The following FBXO15 variants were observed in gnomAD, a reference collection of about 807,000 sequenced individuals.
The protein encoded by FBXO15 is F-box only protein 15.
Under a neutral mutation model 49.5 loss-of-function variants are expected in FBXO15, and 30 were observed. The ratio of observed to expected loss-of-function variants is 0.61; its 90% CI spans 0.45 to 0.82. FBXO15 has a LOEUF of 0.82. Ranked by LOEUF, FBXO15 falls within the 40% of genes least tolerant of loss-of-function variation. The probability of loss-of-function intolerance (pLI) is 0.00; values close to 1 mark genes in which losing one functional copy is unlikely to be tolerated. For missense variants in FBXO15, 591 were observed against 631.5 expected, an observed-to-expected ratio of 0.94 and a Z score of 0.69; for synonymous variants, 250 against 232.7, an observed-to-expected ratio of 1.07 and a Z score of -0.68.
chr18:74,093,999 C>T (rs972196325), intron 8 of FBXO15, among the ~76,000 whole-genome samples: 2 of 152,150 alleles, frequency 1.3e-5, no homozygotes, highest in Non-Finnish European at 2.9e-5. Context: ...TTAAATAAGA[C>T]TTAATGGATG....
chr18:74,137,671 T>C (rs1163194277), intron 2 of FBXO15, among the ~76,000 whole-genome samples: 1 of 152,226 alleles, frequency 6.6e-6, no homozygotes, highest in Non-Finnish European at 1.5e-5. Flanking sequence ...TACACCCATA[T>C]TGGATTACTT....
chr18:74,074,501 C>T lies in FBXO15; in HGVS notation c.1264-771G>A, dbSNP rs1022945587. Reference sequence around the variant, plus strand: ...GTCACATGGCCGACACAGCACTTCCCGGAAGTGGTCCACTTTCACTATCCA... The same window carrying T: ...GTCACATGGCCGACACAGCACTTCCTGGAAGTGGTCCACTTTCACTATCCA... On this transcript the variant is annotated intron_variant, in intron 9 of 9. Transcript: ENST00000419743. This position sits in a 1 kb window ranked among gnomAD's most constrained non-coding sequence, Gnocchi z 4.7. Among the ~76,000 whole-genome samples, 5 of 152,188 alleles carry T rather than the reference C, an allele frequency of 3.3e-5. No homozygotes were observed. Among genetic ancestry groups the T allele is most frequent in the African/African-American group, 9.7e-5 (4 of 41,450 alleles).
chr18:74,129,605 A>C lies in FBXO15; in HGVS notation c.585T>G (p.Gly195=). The C allele has an allele frequency of 6.2e-7, 1 of 1,609,142 alleles. No individual in the cohort carries two copies. ...CTTTCAGTATAATTGCCCAACCTAA[A>C]CCAAATATTCTGGAGAAAGAAAAAA... The part of the protein sequence containing the change: ...VKTKEALRIF[G]LGWAIILKEK... The change falls in exon 5 of 10, where the codon GGT becomes GGG. Residue 195 remains glycine (G), a synonymous_variant. Coordinates refer to ENST00000419743, the MANE Select transcript of FBXO15 (RefSeq NM_001142958.2).
intron 2 of FBXO15, among the ~76,000 whole-genome samples, chr18:74,137,327 T>A (rs1978783864): frequency 6.6e-6 from 1 of 152,222 alleles, no homozygotes; most frequent in Non-Finnish European, 1.5e-5. Flanking sequence ...TTGCATATAA[T>A]TTTTATATTT....
chr18:74,147,506 G>T (rs1979511957), intron 1 of FBXO15, 164 bp downstream of exon 1: 3 of 1,246,494 alleles, frequency 2.4e-6, no homozygotes, highest in Non-Finnish European at 2.0e-6. Context: ...CACGTTGCAG[G>T]GTAGAAAGGA....
chr18:74,112,267 A>G (rs1002220112), intron 8 of FBXO15, among the ~76,000 whole-genome samples: 5 of 152,246 alleles, frequency 3.3e-5, no homozygotes, highest in African/African-American at 9.6e-5. Flanking sequence ...TCTCATGAAT[A>G]AAGATGCAAC....
At chr18:74,094,378 T>C (rs572907107) in intron 8 of FBXO15, among the ~76,000 whole-genome samples, 1 of 152,276 alleles carries the variant, frequency 6.6e-6, no homozygotes, top group African/African-American at 2.4e-5. Context: ...GCTTTTGCCA[T>C]ATGATGTGCC....
intron 6 of FBXO15, 118 bp from the exon 7 acceptor site, chr18:74,124,689 T>G: frequency 1.2e-6 from 1 of 808,582 alleles, no homozygotes; most frequent in East Asian, 2.5e-5. Flanking sequence ...CTTACAAACA[T>G]AAGATCACCA....
At chr18:74,134,960 T>C (rs1440314029) in intron 3 of FBXO15, among the ~76,000 whole-genome samples, 1 of 152,150 alleles carries the variant, frequency 6.6e-6, no homozygotes, top group African/African-American at 2.4e-5. Flanking sequence ...GCAGGTTCTA[T>C]GTAGGAATGA....
chr18:74,131,177 T>TA (rs891349587), intron 3 of FBXO15, among the ~76,000 whole-genome samples: 1 of 152,246 alleles, frequency 6.6e-6, no homozygotes, highest in Admixed American at 6.5e-5. Context: ...TGAAGGTTTT[T>TA]AATGGTAACA....
intron 2 of FBXO15, 78 bp downstream of exon 2, chr18:74,140,124 A>G: frequency 8.3e-7 from 1 of 1,207,858 alleles, no homozygotes; most frequent in Non-Finnish European, 1.2e-6. Flanking sequence ...GCAACTTGGT[A>G]TATACAGCAT....
intron 3 of FBXO15, among the ~76,000 whole-genome samples, chr18:74,134,628 A>G (rs1978603462): frequency 1.3e-5 from 2 of 152,134 alleles, no homozygotes; most frequent in African/African-American, 2.4e-5. Context: ...TCGGCCTCCC[A>G]AAGTGCTGGG....
chr18:74,107,205 A>AACAAC (rs59019968), intron 8 of FBXO15, among the ~76,000 whole-genome samples: 7,246 of 151,142 alleles, frequency 0.048, 255 homozygotes, highest in East Asian at 0.11. Context: ...AAAAAAAAAA[A>AACAAC]AACAACAAAT....
intron 8 of FBXO15, among the ~76,000 whole-genome samples, chr18:74,119,296 G>A (rs1002906425): frequency 2.0e-5 from 3 of 152,210 alleles, no homozygotes; most frequent in African/African-American, 7.2e-5. Flanking sequence ...AACAGGCCCA[G>A]AAGAGTCTAT....
At chr18:74,109,316 A>C (rs1192307538) in intron 8 of FBXO15, among the ~76,000 whole-genome samples, 1 of 152,210 alleles carries the variant, frequency 6.6e-6, no homozygotes, top group Non-Finnish European at 1.5e-5. Context: ...GATCATTAAA[A>C]AGCCAGGAAA....
chr18:74,117,609 T>C (rs1271891895), intron 8 of FBXO15, among the ~76,000 whole-genome samples: 1 of 152,130 alleles, frequency 6.6e-6, no homozygotes, highest in African/African-American at 2.4e-5. Flanking sequence ...CTACTAGCTT[T>C]ACAGAACACA....
intron 8 of FBXO15, among the ~76,000 whole-genome samples, chr18:74,108,721 CA>C (rs1408418357): frequency 6.6e-6 from 1 of 152,060 alleles, no homozygotes; most frequent in African/African-American, 2.4e-5. Flanking sequence ...GAACACCAAA[CA>C]GGATAAATGC....
intron 8 of FBXO15, chr18:74,099,262 C>T (rs1340970523): frequency 2.6e-5 from 4 of 152,112 alleles, no homozygotes; most frequent in Non-Finnish European, 5.9e-5. Context: ...GGGATTGGGG[C>T]CCTATGTTAA....
At chr18:74,095,181 T>C (rs540215364) in intron 8 of FBXO15, among the ~76,000 whole-genome samples, 3 of 152,366 alleles carry the variant, frequency 2.0e-5, no homozygotes, top group Admixed American at 2.0e-4. Flanking sequence ...TAAAGCTTTC[T>C]TCATATCAGC....
Sources: allele counts gnomAD v4.1 joint callset (sites outside exome capture counted in the v4.1 genomes callset), GRCh38; gene constraint gnomAD v4.1.1; non-coding constraint Gnocchi (gnomAD v3.1); transcripts MANE v1.5; gene names NCBI Gene and HGNC (gene_info 2026-07-23, HGNC 2026-07-21).